The following C2CD3 variants were observed in gnomAD, a reference collection of about 807,000 sequenced individuals.
C2CD3 encodes C2 domain-containing protein 3.
A neutral mutation model predicts 234.0 loss-of-function variants in C2CD3; 148 were observed. That is an observed-to-expected ratio of 0.63 (90% CI 0.55 to 0.72). The LOEUF (loss-of-function observed/expected upper bound fraction) is 0.72, where lower values mean the gene tolerates loss of function less well. Among genes scored for constraint, C2CD3 ranks in the 30% least tolerant of loss-of-function variants. C2CD3 has a pLI of 0.00. For missense variants in C2CD3, 2,577 were observed against 2,811.5 expected, an observed-to-expected ratio of 0.92 and a Z score of 1.89; for synonymous variants, 1,000 against 1,035.4, an observed-to-expected ratio of 0.97 and a Z score of 0.66.
intron 12 of C2CD3, chr11:74,107,898 C>T (rs1956586318): frequency 6.6e-6 from 1 of 151,892 alleles, no homozygotes; most frequent in Non-Finnish European, 1.5e-5. Flanking sequence ...CGCCTGTAAT[C>T]CCAGCACTTT....
chr11:74,121,669 T>C (rs1480051592), intron 8 of C2CD3, among the ~76,000 whole-genome samples: 1 of 150,868 alleles, frequency 6.6e-6, no homozygotes, highest in Non-Finnish European at 1.5e-5. Context: ...GTATTTAGTG[T>C]TCTATTAGTT....
chr11:74,066,272 G>GAACATCACACACT (rs1188973165), intron 24 of C2CD3, among the ~76,000 whole-genome samples: 66 of 57,210 alleles, frequency 1.2e-3, no homozygotes, highest in Non-Finnish European at 1.5e-3. Context: ...ACAGGAGGGG[G>GAACATCACACACT]GAGGGATAGT....
chr11:74,058,710 G>C (rs2135440990), intron 24 of C2CD3, among the ~76,000 whole-genome samples: 1 of 152,156 alleles, frequency 6.6e-6, no homozygotes, highest in Non-Finnish European at 1.5e-5. Flanking sequence ...TCCAATGTGG[G>C]AGACTTGGTC....
At chr11:74,049,597 G>A in intron 26 of C2CD3, 55 bp from the exon 27 acceptor site, 1 of 1,389,898 alleles carries the variant, frequency 7.2e-7, no homozygotes, top group Non-Finnish European at 1.0e-6. Context: ...CTGCCACTGA[G>A]ATTAGAGGGT....
At chr11:74,087,184 G>A (rs552583040) in intron 20 of C2CD3, among the ~76,000 whole-genome samples, 1 of 152,250 alleles carries the variant, frequency 6.6e-6, no homozygotes, top group African/African-American at 2.4e-5. Flanking sequence ...AGATTAATGT[G>A]CATCCATACA....
rs765827225 is a variant in C2CD3 at position 74,168,561 on chromosome 11, C to G, written c.108G>C (p.Gln36His). 2 of 1,614,186 alleles carry G rather than the reference C, an allele frequency of 1.2e-6. No homozygotes were observed. The change falls in exon 2 of 33, where the codon CAG becomes CAC. Residue 36 changes from glutamine (Q) to histidine (H), a missense_variant. Coordinates refer to ENST00000334126, the MANE Select transcript of C2CD3 (RefSeq NM_001286577.2). ...CAGTAAGTTTTAGAAAACAGCGTAGCTGGCCTTCAACCAGAGGTGGCAGGC... is the reference window on the plus strand; with the variant it reads ...CAGTAAGTTTTAGAAAACAGCGTAGGTGGCCTTCAACCAGAGGTGGCAGGC... ...STSLPPLVEG[Q>H]LRCFLKLTVN... is the part of the protein sequence containing the mutation.
intron 22 of C2CD3, among the ~76,000 whole-genome samples, chr11:74,079,087 T>G (rs1306537202): frequency 7.5e-6 from 1 of 133,710 alleles, no homozygotes; most frequent in Non-Finnish European, 1.6e-5. Flanking sequence ...GAAAGAGCTT[T>G]GAGAGAGAAG....
chr11:74,059,342 C>T (rs1250632104), intron 24 of C2CD3, among the ~76,000 whole-genome samples: 1 of 132,938 alleles, frequency 7.5e-6, no homozygotes, highest in African/African-American at 2.9e-5. Context: ...ACCTGGGAGG[C>T]GGAGCTTGCA....
At chr11:74,091,060 G>C (rs2135482017) in intron 19 of C2CD3, 124 bp from the exon 20 acceptor site, 1 of 885,988 alleles carries the variant, frequency 1.1e-6, no homozygotes, top group Non-Finnish European at 1.7e-6. Context: ...AGGGCAATGA[G>C]AGAATCTGTC....
At chr11:74,086,822 C>G (rs1955662985) in intron 20 of C2CD3, among the ~76,000 whole-genome samples, 1 of 152,164 alleles carries the variant, frequency 6.6e-6, no homozygotes, top group Non-Finnish European at 1.5e-5. Flanking sequence ...GCAAAGAAAT[C>G]ACCTATTTTT....
chr11:74,066,623 C>T (rs1954555048), intron 24 of C2CD3, among the ~76,000 whole-genome samples: 1 of 150,116 alleles, frequency 6.7e-6, no homozygotes, highest in African/African-American at 2.5e-5. Flanking sequence ...ATATGTTTTC[C>T]TCAACGTAAA....
chr11:74,144,475 G>C (rs1418641124), intron 3 of C2CD3, among the ~76,000 whole-genome samples: 1 of 152,074 alleles, frequency 6.6e-6, no homozygotes, highest in Non-Finnish European at 1.5e-5. Flanking sequence ...TTTAGGTTCG[G>C]GGTACATGTG....
chr11:74,124,229 C>A (rs766377596), intron 7 of C2CD3, among the ~76,000 whole-genome samples: 1 of 152,048 alleles, frequency 6.6e-6, no homozygotes, highest in Admixed American at 6.6e-5. Context: ...TTTATTATTT[C>A]TTTCCATGTT....
rs1957035916 is a variant in C2CD3, at chr11:74,117,145, TATATATATATGA to T, written c.1520+1071_1520+1082del. Reference sequence around the variant, plus strand: ...ATATATATGAATATATATATATGAATATATATATATGAATATATATATATGAATATATATATA... The same window carrying T: ...ATATATATGAATATATATATATGAATATATATATATATGAATATATATATA... On this transcript the variant is annotated intron_variant, in intron 9 of 32. Coordinates refer to ENST00000334126, the MANE Select transcript of C2CD3 (RefSeq NM_001286577.2). 9.7e-4 allele frequency among the ~76,000 whole-genome samples: 11 copies of T among 11,286 alleles called. 1 individual carries two copies. Among genetic ancestry groups the T allele is most frequent in the African/African-American group, 6.6e-3 (11 of 1,664 alleles). 7.4% of individuals were successfully genotyped at this position (11,286 alleles called of 152,430 possible).
In C2CD3 at chr11:74,161,511, A is replaced by C; in HGVS notation, c.371T>G (p.Leu124Arg). Residue 124 changes from leucine (L) to arginine (R), a missense_variant, in exon 3 of 33, where the codon CTT (leucine) becomes CGT (arginine). By Grantham distance (102) the Leu-to-Arg change is moderately radical. Coordinates refer to ENST00000334126, the MANE Select transcript of C2CD3 (RefSeq NM_001286577.2). ...VLEVITKLDG[L>R]PIGRVQINGL... is the part of the protein sequence containing the mutation. The stretch of plus-strand genomic sequence containing the variant: ...ATTGATCTGAACTCTACCAATTGGA[A>C]GACCATCAAGTTTGGTGATTACTTC... The C allele has an allele frequency of 6.3e-7, 1 of 1,594,462 alleles. No individual in the cohort carries two copies. The highest frequency in any genetic ancestry group is 8.5e-7 in the Non-Finnish European group (1 of 1,170,312).
chr11:74,066,011 T>C (rs992260463), intron 24 of C2CD3, among the ~76,000 whole-genome samples: 5 of 150,532 alleles, frequency 3.3e-5, no homozygotes, highest in African/African-American at 1.2e-4. Flanking sequence ...CATGTATACA[T>C]ATGTAACAAA....
chr11:74,150,516 C>CAAAAAA (rs1162306851), intron 3 of C2CD3, among the ~76,000 whole-genome samples: 2 of 65,988 alleles, frequency 3.0e-5, no homozygotes, highest in African/African-American at 7.1e-5. Flanking sequence ...AAAAAAAAAA[C>CAAAAAA]AAAAAAAAAA....
intron 25 of C2CD3, 123 bp downstream of exon 25, chr11:74,057,283 G>C (rs937808234): frequency 1.1e-6 from 1 of 914,250 alleles, no homozygotes; most frequent in African/African-American, 1.7e-5. Context: ...ATAATTGCTT[G>C]GATAAGAAAA....
chr11:74,071,937 T>A (rs1351020023), intron 24 of C2CD3, among the ~76,000 whole-genome samples: 1 of 152,200 alleles, frequency 6.6e-6, no homozygotes, highest in East Asian at 1.9e-4. Context: ...TATTTTGCTT[T>A]TTTTTAACAA....
Sources: gnomAD v4.1 joint callset for allele counts (sites outside exome capture counted in the v4.1 genomes callset) on GRCh38, gnomAD v4.1.1 for gene constraint, MANE v1.5 for transcripts, NCBI Gene and HGNC (gene_info 2026-07-23, HGNC 2026-07-21) for gene names.